FBXL5: variants seen among roughly 807,000 people sequenced by gnomAD.
FBXL5 encodes F-box/LRR-repeat protein 5.
FBXL5 carries 26 observed loss-of-function variants against 78.3 expected under a neutral mutation model. The ratio of observed to expected loss-of-function variants is 0.33; its 90% CI spans 0.24 to 0.46. The LOEUF is 0.46. FBXL5 is among the 20% of genes least tolerant of loss of function. FBXL5 has a pLI of 1.00. For synonymous variants in FBXL5, 295 were observed against 282.5 expected, an observed-to-expected ratio of 1.04 and a Z score of -0.45; for missense variants, 710 against 829.2, an observed-to-expected ratio of 0.86 and a Z score of 1.77.
chr4:15,640,688 C>A, intron 3 of FBXL5, 100 bp downstream of exon 3: 1 of 567,270 alleles, frequency 1.8e-6, no homozygotes, highest in South Asian at 3.0e-5. Flanking sequence ...CTCCATCAAC[C>A]AGATACATCT....
intron 1 of FBXL5, among the ~76,000 whole-genome samples, chr4:15,654,382 C>CA (rs1716554708): frequency 6.6e-6 from 1 of 152,170 alleles, no homozygotes. Context: ...GGGCCCTGAA[C>CA]CATCTCCACA....
intron 9 of FBXL5, among the ~76,000 whole-genome samples, chr4:15,623,144 AAAC>A (rs1712656345): frequency 1.4e-5 from 2 of 147,890 alleles, no homozygotes; most frequent in South Asian, 2.1e-4. Context: ...TTTGGTATTC[AAAC>A]AAAACGTTAC....
upstream of FBXL5, among the ~76,000 whole-genome samples, chr4:15,664,719 G>A (rs566725980): frequency 3.3e-5 from 5 of 151,754 alleles, no homozygotes; most frequent in South Asian, 2.1e-4. Flanking sequence ...TACCACGCCC[G>A]GCTAACTTTT....
intron 1 of FBXL5, among the ~76,000 whole-genome samples, chr4:15,678,770 A>G (rs1718087369): frequency 6.6e-6 from 1 of 152,230 alleles, no homozygotes. Flanking sequence ...AATATTTATA[A>G]GGTCATTTTG....
intron 1 of FBXL5, among the ~76,000 whole-genome samples, chr4:15,680,759 G>A (rs1052664644): frequency 6.6e-6 from 1 of 151,900 alleles, no homozygotes; most frequent in Non-Finnish European, 1.5e-5. Context: ...TAAGTAGCTT[G>A]AGAAAGAGAA....
At chr4:15,650,999 T>C (rs1276215320) in intron 1 of FBXL5, among the ~76,000 whole-genome samples, 3 of 152,186 alleles carry the variant, frequency 2.0e-5, no homozygotes, top group Non-Finnish European at 2.9e-5. Flanking sequence ...TTCAAACTGA[T>C]TCTCAAAAGT....
At chr4:15,616,228 C>T (rs1473880549) in intron 9 of FBXL5, among the ~76,000 whole-genome samples, 3 of 152,192 alleles carry the variant, frequency 2.0e-5, no homozygotes, top group African/African-American at 7.2e-5. Context: ...CGCGAGGGTC[C>T]GCGGCTTCAT....
chr4:15,674,948 C>T (rs1717927733), intron 1 of FBXL5, among the ~76,000 whole-genome samples: 1 of 152,030 alleles, frequency 6.6e-6, no homozygotes, highest in East Asian at 1.9e-4. Context: ...CGCACCCAGT[C>T]GGTTATGGTT....
In FBXL5 at chr4:15,655,310, T is replaced by G. The variant is rs1389366533; in HGVS notation, c.-23A>C. ...CATCGCCACTGCCTCAGCCTCCGCC[T>G]CAGCAGCCGCGGCCGCCGCCTCTCC... is the stretch of plus-strand genomic sequence containing the variant. On this transcript the variant is annotated 5_prime_UTR_variant, in exon 1 of 11. Transcript: ENST00000341285. The G allele has an allele frequency of 3.6e-6, 5 of 1,373,130 alleles. No homozygotes were observed. In the Admixed American group the frequency reaches 1.2e-4, roughly 32 times the overall value. The allele number at this position is 1,373,130 out of a possible 1,614,324, so 85.1% of individuals were successfully genotyped here. A position where few individuals can be genotyped will look rare whatever the true frequency, so the allele number is the denominator to read the frequency against.
chr4:15,650,444 CAA>C (rs1296502456), intron 1 of FBXL5, among the ~76,000 whole-genome samples: 2 of 152,080 alleles, frequency 1.3e-5, no homozygotes, highest in African/African-American at 4.8e-5. Context: ...TTCGGACCCA[CAA>C]AAGAGATTTA....
chr4:15,629,119 C>T (rs1373830121), intron 6 of FBXL5, among the ~76,000 whole-genome samples: 1 of 151,686 alleles, frequency 6.6e-6, no homozygotes, highest in Non-Finnish European at 1.5e-5. Context: ...GCAGCCAAAC[C>T]GAAAAAAGCA....
intron 1 of FBXL5, among the ~76,000 whole-genome samples, chr4:15,669,995 G>A (rs538322793): frequency 3.3e-5 from 5 of 152,106 alleles, no homozygotes; most frequent in African/African-American, 9.7e-5. Flanking sequence ...TAGAAATTTT[G>A]AAAGAAATAA....
At chr4:15,609,584 C>A (rs1298656689) in intron 10 of FBXL5, among the ~76,000 whole-genome samples, 1 of 151,970 alleles carries the variant, frequency 6.6e-6, no homozygotes, top group Non-Finnish European at 1.5e-5. Flanking sequence ...CATTGAAATG[C>A]AAATCAGTAA....
At position 15,668,118 on chromosome 4, in the gene FBXL5, T is replaced by A. The variant is rs1056212225; in HGVS notation, c.-283-8196A>T. ...GCCAATGATTGTAACAATTAAAATT[T>A]TGGTTAATAAAATTCAATTATTTGT... On this transcript the variant is annotated intron_variant, in intron 1 of 4. Transcript: ENST00000507899. Among the ~76,000 whole-genome samples, 3 of 151,916 alleles carry A rather than the reference T, an allele frequency of 2.0e-5. No homozygotes were observed. The East Asian group carries it at 5.8e-4, about 29-fold the overall frequency.
chr4:15,621,075 CTG>C (rs1247999420), intron 9 of FBXL5, among the ~76,000 whole-genome samples: 1 of 152,142 alleles, frequency 6.6e-6, no homozygotes, highest in African/African-American at 2.4e-5. Context: ...CTCTATATTT[CTG>C]TGTGTGTGTC....
intron 10 of FBXL5, among the ~76,000 whole-genome samples, chr4:15,611,841 T>C (rs1234434751): frequency 6.6e-6 from 1 of 152,110 alleles, no homozygotes; most frequent in African/African-American, 2.4e-5. Flanking sequence ...AGTCCTCATT[T>C]TTCTACATTT....
intron 4 of FBXL5, among the ~76,000 whole-genome samples, chr4:15,637,902 TA>T (rs10711266): frequency 0.28 from 40,970 of 144,672 alleles, 5,809 homozygotes; most frequent in East Asian, 0.47. Context: ...CTAGTTTTTT[TA>T]AAAAAAAAAA....
intron 1 of FBXL5, among the ~76,000 whole-genome samples, chr4:15,672,340 G>C (rs1159810167): frequency 6.6e-6 from 1 of 152,182 alleles, no homozygotes; most frequent in Non-Finnish European, 1.5e-5. Context: ...GTTGCTTAAT[G>C]ACAGAGATAT....
chr4:15,606,609 T>G (rs1053459975), intron 10 of FBXL5, among the ~76,000 whole-genome samples: 1 of 152,204 alleles, frequency 6.6e-6, no homozygotes, highest in Non-Finnish European at 1.5e-5. Flanking sequence ...AGCAGGCAAA[T>G]GTGGAAAAGA....
Sources: gnomAD v4.1 joint callset for allele counts (sites outside exome capture counted in the v4.1 genomes callset) on GRCh38, gnomAD v4.1.1 for gene constraint, MANE v1.5 for transcripts, NCBI Gene and HGNC (gene_info 2026-07-23, HGNC 2026-07-21) for gene names.